The following TSLP variants were observed in gnomAD, a reference collection of about 807,000 sequenced individuals.
TSLP encodes thymic stroma-derived lymphopoietin.
In TSLP, 12 loss-of-function variants were observed where a neutral mutation model predicts 12.4. The observed-to-expected ratio is 0.97, with a 90% CI of 0.62 to 1.57. The LOEUF (loss-of-function observed/expected upper bound fraction) is 1.57. Among genes scored for constraint, TSLP ranks in the 40% most tolerant of loss-of-function variants. The pLI is 0.00. For missense variants in TSLP, 222 were observed against 189.6 expected (o/e 1.17, Z -1.00); for synonymous variants, 97 against 69.5 (o/e 1.40, Z -1.97).
intron 1 of TSLP, 49 bp downstream of exon 1, chr5:111,072,110 C>A (rs367976860): frequency 1.4e-6 from 2 of 1,481,042 alleles, no homozygotes; most frequent in Non-Finnish European, 1.9e-6. Context: ...TCAGAGGAGT[C>A]GGCATACACA....
upstream of TSLP, chr5:111,070,872 C>G (rs961804263): frequency 1.3e-5 from 2 of 152,372 alleles, no homozygotes; most frequent in African/African-American, 2.4e-5. Context: ...AGCATCGTCT[C>G]CGTGCGGTCG....
chr5:111,070,195 G>A (rs973783525), upstream of TSLP: 2 of 152,376 alleles, frequency 1.3e-5, no homozygotes, highest in Non-Finnish European at 2.9e-5. Context: ...TGACCCTCTC[G>A]AGTGCCTTCT....
rs758300677 is a variant in TSLP, at chr5:111,072,005, A to C, written c.115A>C (p.Ile39Leu). 1 of 1,614,234 alleles carries C rather than the reference A, an allele frequency of 6.2e-7. No homozygotes were observed. The highest frequency in any genetic ancestry group is 2.2e-5 in the East Asian group (1 of 44,888). ...YDFTNCDFEK[I>L]KAAYLSTISK... ...CTTCACTAACTGTGACTTTGAGAAG[A>C]TTAAAGCAGCCTATCTCAGTACTAT... The change falls in exon 1 of 4, where the codon ATT becomes CTT. Residue 39 changes from isoleucine (I) to leucine (L), a missense_variant. By Grantham distance (5) the Ile-to-Leu change is conservative (BLOSUM62 2). Transcript: ENST00000344895.
intron 3 of TSLP, among the ~76,000 whole-genome samples, chr5:111,075,247 C>A (rs1752467131): frequency 6.6e-6 from 1 of 151,782 alleles, no homozygotes; most frequent in Admixed American, 6.6e-5. Flanking sequence ...GCTTAATAAC[C>A]CTGTGACTTT....
At chr5:111,075,855 G>A (rs893206023) in intron 3 of TSLP, 91 bp from the exon 4 acceptor site, 12 of 1,339,360 alleles carry the variant, frequency 9.0e-6, no homozygotes, top group Non-Finnish European at 1.1e-5. Context: ...CTGAAAGATG[G>A]ATTTGCATAG....
intron 2 of TSLP, 35 bp from the exon 3 acceptor site, chr5:111,073,476 C>T: frequency 6.2e-7 from 1 of 1,613,306 alleles, no homozygotes; most frequent in South Asian, 1.1e-5. Flanking sequence ...CTGGTGTTTT[C>T]TCCTTTTCTC....
upstream of TSLP, chr5:111,071,185 C>T (rs1245617047): frequency 2.8e-6 from 1 of 355,188 alleles, no homozygotes; most frequent in Non-Finnish European, 5.0e-6. Flanking sequence ...CACGGTTGCA[C>T]ATTTAATGCT....
upstream of TSLP, chr5:111,071,322 C>A: frequency 2.2e-6 from 2 of 919,786 alleles, no homozygotes; most frequent in Non-Finnish European, 3.1e-6. Context: ...ACAGGAAATG[C>A]TCAAAGATGT....
At position 111,076,095 on chromosome 5, in the gene TSLP, A is replaced by G; in HGVS notation, c.*21A>G. On this transcript the variant is annotated 3_prime_UTR_variant, in exon 4 of 4. Transcript: ENST00000344895. The stretch of plus-strand genomic sequence containing the variant: ...AGTAAACCATCTTTATTATGGTCAT[A>G]TTTCACAGCACCAAAATAAATCATC... 1 of 1,612,504 alleles carries G rather than the reference A, an allele frequency of 6.2e-7. No individual in the cohort carries two copies. The highest frequency in any genetic ancestry group is 8.5e-7 in the Non-Finnish European group (1 of 1,179,412).
At chr5:111,072,825 G>C (rs1452205503) in intron 1 of TSLP, 63 bp from the exon 2 acceptor site, 2 of 1,542,220 alleles carry the variant, frequency 1.3e-6, no homozygotes, top group African/African-American at 2.7e-5. Context: ...AAGGGTGGAG[G>C]GATGATTTTC....
upstream of TSLP, chr5:111,071,110 A>G (rs1752328460): frequency 1.3e-5 from 3 of 225,724 alleles, no homozygotes; most frequent in Admixed American, 1.7e-4. Flanking sequence ...TTTTGAGAAC[A>G]AGCCACATCA....
Position 111,071,916 on chromosome 5 carries a change from TTC to T in TSLP, c.28_29del (p.Leu10ValfsTer23). 1 of 1,614,236 alleles carries T rather than the reference TTC, an allele frequency of 6.2e-7. No individual in the cohort carries two copies. The highest frequency in any genetic ancestry group is 2.2e-5 in the East Asian group (1 of 44,888). On this transcript the variant is annotated frameshift_variant, in exon 1 of 4. Coordinates refer to ENST00000344895, the MANE Select transcript of TSLP (RefSeq NM_033035.5). LOFTEE classifies it high-confidence loss of function. ...ATGTTCCCTTTTGCCTTACTATATG[TTC>T]TGTCAGTTTCTTTCAGGAAAATCTT...
chr5:111,071,557 C>A, upstream of TSLP: 1 of 1,528,556 alleles, frequency 6.5e-7, no homozygotes, highest in Non-Finnish European at 8.8e-7. Context: ...TGTTAAAATT[C>A]CATAGATTTA....
rs1260144829 is a variant in TSLP at position 111,076,052 on chromosome 5, G to A, written c.458G>A (p.Arg153Gln). The A allele has an allele frequency of 5.6e-6, 9 of 1,613,772 alleles. No homozygotes were observed. The highest frequency in any genetic ancestry group is 2.2e-5 in the East Asian group (1 of 44,864). Residue 153 changes from arginine (R) to glutamine (Q), a missense_variant, in exon 4 of 4, where the codon CGA (arginine) becomes CAA (glutamine). Coordinates refer to ENST00000344895, the MANE Select transcript of TSLP (RefSeq NM_033035.5). The part of the protein sequence containing the change: ...QLQGLWRRFN[R>Q]PLLKQQ ...CAAGGATTGTGGCGTCGCTTCAATC[G>A]ACCTTTACTGAAACAACAGTAAACC...
intron 3 of TSLP, among the ~76,000 whole-genome samples, chr5:111,075,429 C>A (rs959429784): frequency 6.6e-6 from 1 of 151,716 alleles, no homozygotes; most frequent in Non-Finnish European, 1.5e-5. Context: ...CATTTTGGGT[C>A]CAAAAAATAG....
upstream of TSLP, chr5:111,070,246 T>G (rs1752309241): frequency 6.5e-6 from 1 of 152,686 alleles, no homozygotes. Flanking sequence ...TGTCCCCTAC[T>G]CTTTTCCCGA....
At chr5:111,074,184 A>G (rs1752427766) in intron 3 of TSLP, among the ~76,000 whole-genome samples, 1 of 152,190 alleles carries the variant, frequency 6.6e-6, no homozygotes, top group African/African-American at 2.4e-5. Context: ...GTCTCTTTAC[A>G]CATTTTTGCA....
At position 111,071,796 on chromosome 5, in the gene TSLP, T is replaced by C. The variant is rs981621794; in HGVS notation, c.-95T>C. 55 of 1,468,856 alleles carry C rather than the reference T, an allele frequency of 3.7e-5. No individual in the cohort carries two copies. In the African/African-American group the frequency reaches 7.2e-4, roughly 19 times the overall value. 91.0% of individuals were successfully genotyped at this position (1,468,856 alleles called of 1,614,324 possible). ...GGCAATGAGAGGCAAAACCTGGTGC[T>C]TGAGCACTGGCCCCTAAGGCAGGCC... is the stretch of plus-strand genomic sequence containing the variant. On this transcript the variant is annotated 5_prime_UTR_variant, in exon 1 of 4. Transcript: ENST00000344895.
chr5:111,071,216 A>G (rs1752330259), upstream of TSLP: 1 of 407,814 alleles, frequency 2.5e-6, no homozygotes, highest in African/African-American at 2.0e-5. Flanking sequence ...AGTGCTGTCG[A>G]AGACTGAGAC....
Sources: gnomAD v4.1 joint callset for allele counts (sites outside exome capture counted in the v4.1 genomes callset) on GRCh38, gnomAD v4.1.1 for gene constraint, MANE v1.5 for transcripts, NCBI Gene and HGNC (gene_info 2026-07-23, HGNC 2026-07-21) for gene names.